The following LARGE1 variants were observed in gnomAD, a reference collection of about 807,000 sequenced individuals.
The protein encoded by LARGE1 is LARGE xylosyl- and glucuronyltransferase 1.
In LARGE1, 43 loss-of-function variants were observed where a neutral mutation model predicts 87.6. That is an observed-to-expected ratio of 0.49 (90% CI 0.38 to 0.63). LARGE1 has a LOEUF of 0.63. Among genes scored for constraint, LARGE1 ranks in the 30% least tolerant of loss-of-function variants. The pLI is 0.00. For missense variants in LARGE1, 802 were observed against 1,000.2 expected (o/e 0.80, Z 2.67); for synonymous variants, 434 against 394.6 (o/e 1.10, Z -1.18).
intron 11 of LARGE1, among the ~76,000 whole-genome samples, chr22:33,214,755 C>T (rs780999849): frequency 9.9e-5 from 15 of 152,180 alleles, no homozygotes; most frequent in African/African-American, 2.2e-4. Flanking sequence ...CGAGGGAGCC[C>T]GGTCTTTCAC....
rs372675325 is a variant in LARGE1 at position 33,273,120 on chromosome 22, C to T, written c.*1307G>A. 64 of 308,428 alleles carry T rather than the reference C, an allele frequency of 2.1e-4. No individual in the cohort carries two copies. The highest frequency in any genetic ancestry group is 1.1e-3 in the African/African-American group (53 of 46,574). 19.1% of individuals were successfully genotyped at this position (308,428 alleles called of 1,614,324 possible). On this transcript the variant is annotated 3_prime_UTR_variant, in exon 15 of 15. Transcript: ENST00000397394. ...ACTTTCATTTATTAAATGCAGCTTT[C>T]GCTGGTCACATTGCAACTCAATACA... is the stretch of plus-strand genomic sequence containing the variant.
upstream of LARGE1, among the ~76,000 whole-genome samples, chr22:33,920,579 A>G (rs576893278): frequency 1 from 144,651 of 144,670 alleles, 72,316 homozygotes; most frequent in Middle Eastern, 1. Flanking sequence ...TCCGCGGGAA[A>G]GAAGCGCCGG....
chr22:33,560,364 G>T (rs529524388), intron 6 of LARGE1, among the ~76,000 whole-genome samples: 1 of 152,194 alleles, frequency 6.6e-6, no homozygotes, highest in African/African-American at 2.4e-5. Context: ...CTGCGGTGCC[G>T]TGAGGGTGAG....
chr22:33,715,427 C>T (rs775682065), intron 2 of LARGE1, among the ~76,000 whole-genome samples: 7 of 152,244 alleles, frequency 4.6e-5, no homozygotes, highest in East Asian at 3.9e-4. Context: ...TACTGGGTAA[C>T]GCCTGGGTGA....
At chr22:33,763,066 T>G (rs1042248058) in intron 1 of LARGE1, among the ~76,000 whole-genome samples, 2 of 152,172 alleles carry the variant, frequency 1.3e-5, no homozygotes, top group African/African-American at 4.8e-5. Flanking sequence ...TTGGACTGAC[T>G]CCTTTCCCCA....
At chr22:33,345,999 C>T (rs145594546) in intron 9 of LARGE1, among the ~76,000 whole-genome samples, 5 of 152,290 alleles carry the variant, frequency 3.3e-5, no homozygotes, top group Admixed American at 3.3e-4. Flanking sequence ...GGGTCTCCAT[C>T]TCAACACTCC....
intron 6 of LARGE1, among the ~76,000 whole-genome samples, chr22:33,483,085 AT>A (rs1235242495): frequency 6.6e-6 from 1 of 152,184 alleles, no homozygotes; most frequent in Non-Finnish European, 1.5e-5. Context: ...TCTGTTTACT[AT>A]TATCGTTTTC....
chr22:33,346,734 TAACAG>T (rs2146693211), intron 9 of LARGE1, among the ~76,000 whole-genome samples: 1 of 152,282 alleles, frequency 6.6e-6, no homozygotes, highest in South Asian at 2.1e-4. Context: ...CCATTCTTCC[TAACAG>T]AACACTAACT....
downstream of LARGE1, among the ~76,000 whole-genome samples, chr22:33,267,762 G>A (rs930114104): frequency 1.9e-4 from 29 of 151,506 alleles, no homozygotes; most frequent in Admixed American, 6.6e-4. Flanking sequence ...GTAGGGTGAC[G>A]CAGTTTTCTA....
intron 6 of LARGE1, among the ~76,000 whole-genome samples, chr22:33,527,082 T>A (rs2071940421): frequency 6.6e-6 from 1 of 151,964 alleles, no homozygotes; most frequent in African/African-American, 2.4e-5. Flanking sequence ...CATGGAGAAA[T>A]CCCATCTTTA....
At chr22:33,845,163 C>G (rs2063393721) in intron 1 of LARGE1, among the ~76,000 whole-genome samples, 1 of 152,170 alleles carries the variant, frequency 6.6e-6, no homozygotes, top group African/African-American at 2.4e-5. Context: ...ACCTGAGTCT[C>G]TCTCCCTTAC....
intron 6 of LARGE1, among the ~76,000 whole-genome samples, chr22:33,482,372 G>C (rs2069367119): frequency 6.6e-6 from 1 of 152,056 alleles, no homozygotes; most frequent in Admixed American, 6.5e-5. Flanking sequence ...CGGGCATTAA[G>C]CCATGGTGTT....
At chr22:33,579,520 A>T (rs1021859313) in intron 5 of LARGE1, among the ~76,000 whole-genome samples, 2 of 152,198 alleles carry the variant, frequency 1.3e-5, no homozygotes, top group African/African-American at 4.8e-5. Context: ...GGTCCTGAGC[A>T]GGAGCCAAGT....
intron 6 of LARGE1, among the ~76,000 whole-genome samples, chr22:33,555,367 A>G (rs1034534315): frequency 6.6e-6 from 1 of 152,064 alleles, no homozygotes; most frequent in African/African-American, 2.4e-5. Context: ...CCTCTTGATA[A>G]GTAATTAGAT....
chr22:33,213,280 T>G (rs1925049067), intron 11 of LARGE1, among the ~76,000 whole-genome samples: 1 of 152,128 alleles, frequency 6.6e-6, no homozygotes, highest in African/African-American at 2.4e-5. Flanking sequence ...AAGAAAGTGG[T>G]TTCTTGAGAT....
exon 12 of LARGE1, chr22:33,166,085 G>C (rs1299324501): frequency 6.6e-6 from 1 of 152,222 alleles, no homozygotes; most frequent in African/African-American, 2.4e-5. Flanking sequence ...AAGGGTAAAT[G>C]AATGTTAGTA....
In LARGE1 at chr22:33,589,482, T is replaced by TAATTAAAAATTAATATTTTCATTAATTTA. The variant is rs1378706838; in HGVS notation, c.615+14952_615+14953insTAAATTAATGAAAATATTAATTTTTAATT. Among the ~76,000 whole-genome samples the TAATTAAAAATTAATATTTTCATTAATTTA allele has an allele frequency of 2.1e-3, 182 of 85,540 alleles. 1 individual carries two copies. The highest frequency in any genetic ancestry group is 3.2e-3 in the Non-Finnish European group (145 of 44,634). 56.1% of individuals were successfully genotyped at this position (85,540 alleles called of 152,430 possible). Reference sequence around the variant, plus strand: ...TTGCCATCTTCTTATATATGGAAATTAATTAATTAAAAATTAATATTTTCA... The same window carrying TAATTAAAAATTAATATTTTCATTAATTTA: ...TTGCCATCTTCTTATATATGGAAATTAATTAAAAATTAATATTTTCATTAATTTAAATTAATTAAAAATTAATATTTTCA... On this transcript the variant is annotated intron_variant, in intron 5 of 14. Transcript: ENST00000397394.
At chr22:33,871,229 G>C (rs894496403) in intron 1 of LARGE1, among the ~76,000 whole-genome samples, 8 of 152,194 alleles carry the variant, frequency 5.3e-5, no homozygotes, top group African/African-American at 1.7e-4. Context: ...GGCTGACCCA[G>C]GTCTATAGCA....
intron 11 of LARGE1, among the ~76,000 whole-genome samples, chr22:33,311,577 G>T (rs559156376): frequency 6.9e-4 from 105 of 152,304 alleles, no homozygotes; most frequent in African/African-American, 2.4e-3. Context: ...TGAATCTGAC[G>T]TTATCACCAT....
Sources: gnomAD v4.1 joint callset for allele counts (sites outside exome capture counted in the v4.1 genomes callset) on GRCh38, gnomAD v4.1.1 for gene constraint, MANE v1.5 for transcripts, NCBI Gene and HGNC (gene_info 2026-07-23, HGNC 2026-07-21) for gene names.